GRIN3A: variants seen among roughly 807,000 people sequenced by gnomAD.
GRIN3A encodes the protein glutamate ionotropic receptor NMDA type subunit 3A.
GRIN3A carries 47 observed loss-of-function variants against 92.4 expected under a neutral mutation model. That is an observed-to-expected ratio of 0.51 (90% CI 0.40 to 0.65). The LOEUF (loss-of-function observed/expected upper bound fraction) is 0.65, where lower values mean the gene tolerates loss of function less well. Among genes scored for constraint, GRIN3A ranks in the 30% least tolerant of loss-of-function variants. GRIN3A has a pLI of 0.00. For synonymous variants in GRIN3A, 527 were observed against 540.6 expected (o/e 0.97, Z 0.35); for missense variants, 1,324 against 1,393.1 (o/e 0.95, Z 0.79).
chr9:101,713,138 T>A (rs1310133374), intron 1 of GRIN3A, among the ~76,000 whole-genome samples: 1 of 152,204 alleles, frequency 6.6e-6, no homozygotes. Context: ...CTCTACTGCA[T>A]GGGCTCTGCT....
At position 101,738,560 on chromosome 9, in the gene GRIN3A, T is replaced by C. The variant is rs545968482; in HGVS notation, c.-581A>G. 8 of 155,556 alleles carry C rather than the reference T, an allele frequency of 5.1e-5. No homozygotes were observed. Among genetic ancestry groups the C allele is most frequent in the African/African-American group, 1.9e-4 (8 of 41,584 alleles). 9.6% of individuals were successfully genotyped at this position (155,556 alleles called of 1,614,324 possible). On this transcript the variant is annotated 5_prime_UTR_variant, in exon 1 of 9. Coordinates refer to ENST00000361820, the MANE Select transcript of GRIN3A (RefSeq NM_133445.3). ...CCAGCGCCGACTTCATTTTCTCTCT[T>C]CTCTCGCTACTTCCTCTCTGCCTTT...
chr9:101,726,544 C>A (rs1830083890), intron 1 of GRIN3A, among the ~76,000 whole-genome samples: 1 of 152,126 alleles, frequency 6.6e-6, no homozygotes, highest in Admixed American at 6.6e-5. Context: ...AGTTTCTCTT[C>A]CTTTGCAACA....
chr9:101,670,471 A>G lies in GRIN3A; in HGVS notation c.1941T>C (p.Pro647=), dbSNP rs759983368. 6.2e-7 allele frequency: 1 copy of G among 1,613,996 alleles called. No individual in the cohort carries two copies. The highest frequency in any genetic ancestry group is 2.2e-5 in the East Asian group (1 of 44,840). Reference sequence around the variant, plus strand: ...AGATGCCCAAGCTGGTGGAGAAGAAAGGGCTGGTGAAATCTATCACCTGGC... The same window carrying G: ...AGATGCCCAAGCTGGTGGAGAAGAAGGGGCTGGTGAAATCTATCACCTGGC... ...ARSQVIDFTS[P]FFSTSLGILV... Residue 647 remains proline (P), a synonymous_variant, in exon 3 of 9, where the codon CCT becomes CCC. Transcript: ENST00000361820.
chr9:101,578,092 A>G (rs1055211147), intron 7 of GRIN3A, among the ~76,000 whole-genome samples: 4 of 152,238 alleles, frequency 2.6e-5, no homozygotes, highest in African/African-American at 9.6e-5. Context: ...TCAGTATTAT[A>G]AAACGGTATG....
intron 2 of GRIN3A, among the ~76,000 whole-genome samples, chr9:101,675,428 CTAAT>C (rs1829382514): frequency 6.6e-6 from 1 of 151,716 alleles, no homozygotes; most frequent in African/African-American, 2.4e-5. Flanking sequence ...TGTTGACATC[CTAAT>C]TAAAGTATTT....
chr9:101,645,940 G>T (rs2417282), intron 3 of GRIN3A, among the ~76,000 whole-genome samples: 13,423 of 151,518 alleles, frequency 0.089, 862 homozygotes, highest in East Asian at 0.22. Context: ...TTTGGCTACA[G>T]AATTGTTTGA....
At chr9:101,590,092 C>T (rs1314273560) in intron 6 of GRIN3A, among the ~76,000 whole-genome samples, 3 of 152,080 alleles carry the variant, frequency 2.0e-5, no homozygotes, top group South Asian at 2.1e-4. Context: ...CCAGTAACAA[C>T]GAAAGCAAAC....
intron 1 of GRIN3A, among the ~76,000 whole-genome samples, chr9:101,702,839 C>T (rs1829772111): frequency 6.6e-6 from 1 of 152,162 alleles, no homozygotes; most frequent in Non-Finnish European, 1.5e-5. Context: ...ATGACTGCAC[C>T]ATCACTCACA....
chr9:101,714,665 G>T (rs1435723199), intron 1 of GRIN3A, among the ~76,000 whole-genome samples: 1 of 151,996 alleles, frequency 6.6e-6, no homozygotes, highest in Non-Finnish European at 1.5e-5. Flanking sequence ...ATGCCCCTAA[G>T]AAAGAAGCCA....
intron 1 of GRIN3A, among the ~76,000 whole-genome samples, chr9:101,729,373 C>A (rs1320417834): frequency 6.6e-6 from 1 of 152,144 alleles, no homozygotes; most frequent in Non-Finnish European, 1.5e-5. Context: ...GGCATTCTTT[C>A]TGGAGCCTCT....
intron 3 of GRIN3A, among the ~76,000 whole-genome samples, chr9:101,663,358 G>A (rs1158695424): frequency 6.6e-6 from 1 of 151,824 alleles, no homozygotes; most frequent in Admixed American, 6.6e-5. Flanking sequence ...TAAATTCCAT[G>A]TTGCAAGGAC....
chr9:101,727,282 G>A (rs1210006347), intron 1 of GRIN3A, among the ~76,000 whole-genome samples: 7 of 152,182 alleles, frequency 4.6e-5, no homozygotes, highest in Non-Finnish European at 1.0e-4. Flanking sequence ...GAATATGTTA[G>A]GGAAATCCAT....
chr9:101,629,249 G>A (rs562849351), intron 3 of GRIN3A, among the ~76,000 whole-genome samples: 54 of 152,010 alleles, frequency 3.6e-4, no homozygotes, highest in African/African-American at 1.2e-3. Context: ...TTATTTAAAT[G>A]CCATGATTTC....
At chr9:101,725,680 C>T (rs1369853472) in intron 1 of GRIN3A, among the ~76,000 whole-genome samples, 5 of 152,152 alleles carry the variant, frequency 3.3e-5, no homozygotes, top group African/African-American at 1.2e-4. Flanking sequence ...ACTATTGATA[C>T]CTCCTTTGAA....
intron 1 of GRIN3A, among the ~76,000 whole-genome samples, chr9:101,695,127 G>A (rs1319579724): frequency 6.6e-6 from 1 of 152,182 alleles, no homozygotes; most frequent in African/African-American, 2.4e-5. Context: ...CATCAGTACA[G>A]TCATACCCAG....
chr9:101,639,811 A>G (rs936064031), intron 3 of GRIN3A, among the ~76,000 whole-genome samples: 2 of 152,238 alleles, frequency 1.3e-5, no homozygotes, highest in South Asian at 2.1e-4. Flanking sequence ...GAAGTTATAC[A>G]GCATAGACCC....
At chr9:101,575,553 T>C (rs1449035311) in intron 8 of GRIN3A, among the ~76,000 whole-genome samples, 1 of 152,180 alleles carries the variant, frequency 6.6e-6, no homozygotes, top group Admixed American at 6.5e-5. Flanking sequence ...TATATATAAA[T>C]CATCTCCTGC....
intron 3 of GRIN3A, among the ~76,000 whole-genome samples, chr9:101,630,497 T>C (rs1298863652): frequency 6.6e-6 from 1 of 152,180 alleles, no homozygotes; most frequent in Non-Finnish European, 1.5e-5. Flanking sequence ...ATAAAGAAAC[T>C]GAAGATTAGA....
intron 1 of GRIN3A, among the ~76,000 whole-genome samples, chr9:101,691,934 C>T (rs983206654): frequency 9.2e-5 from 14 of 152,142 alleles, no homozygotes; most frequent in Middle Eastern, 3.2e-3. Flanking sequence ...GAGGACAATG[C>T]TACTTCCTAA....
Sources: allele counts gnomAD v4.1 joint callset (sites outside exome capture counted in the v4.1 genomes callset), GRCh38; gene constraint gnomAD v4.1.1; transcripts MANE v1.5; gene names NCBI Gene and HGNC (gene_info 2026-07-23, HGNC 2026-07-21).